Variants in SPEN observed in about 807,000 individuals in gnomAD.
The protein encoded by SPEN is msx2-interacting protein.
Under a neutral mutation model 269.9 loss-of-function variants are expected in SPEN, and 18 were observed. That is an observed-to-expected ratio of 0.07 (90% confidence interval 0.05 to 0.10). The LOEUF (loss-of-function observed/expected upper bound fraction) is 0.10. SPEN is among the 10% of genes least tolerant of loss of function. The probability of loss-of-function intolerance (pLI) is 1.00; values close to 1 mark genes in which losing one functional copy is unlikely to be tolerated. For missense variants in SPEN, 3,822 were observed against 4,631.2 expected, an observed-to-expected ratio of 0.83 and a Z score of 5.07; for synonymous variants, 1,726 against 1,765.7, an observed-to-expected ratio of 0.98 and a Z score of 0.56.
At chr1:15,889,601 A>G (rs2070770542) in intron 3 of SPEN, among the ~76,000 whole-genome samples, 2 of 152,220 alleles carry the variant, frequency 1.3e-5, no homozygotes, top group Non-Finnish European at 2.9e-5. Flanking sequence ...CCTGTGTGAG[A>G]AAATGGAAAG....
In SPEN at chr1:15,931,501, A is replaced by G. The variant is rs754160155; in HGVS notation, c.5261A>G (p.Asp1754Gly). 6.2e-7 allele frequency: 1 copy of G among 1,614,172 alleles called. No homozygotes were observed. The highest frequency in any genetic ancestry group is 8.5e-7 in the Non-Finnish European group (1 of 1,180,024). ...QAESNVDPEP[D>G]STQPLSKPAQ... is the part of the protein sequence containing the mutation. Reference sequence around the variant, plus strand: ...GAGAGCAACGTAGATCCAGAGCCTGACAGTACCCAGCCACTTTCAAAACCA... The same window carrying G: ...GAGAGCAACGTAGATCCAGAGCCTGGCAGTACCCAGCCACTTTCAAAACCA... The change falls in exon 11 of 15, where the codon GAC becomes GGC. Residue 1754 changes from aspartate to glycine, a missense_variant. Physicochemically the swap from Asp to Gly is moderately conservative, Grantham distance 94. Coordinates refer to ENST00000375759, the MANE Select transcript of SPEN (RefSeq NM_015001.3). This position sits in a 1 kb window ranked among gnomAD's most constrained non-coding sequence, Gnocchi z 4.8.
Position 15,936,275 on chromosome 1 carries a change from G to T in SPEN, c.10026+9G>T. 4 of 1,530,024 alleles carry T rather than the reference G, an allele frequency of 2.6e-6. No individual in the cohort carries two copies. The highest frequency in any genetic ancestry group is 3.5e-6 in the Non-Finnish European group (4 of 1,131,488). 94.8% of individuals were successfully genotyped at this position (1,530,024 alleles called of 1,614,324 possible). A position where few individuals can be genotyped will look rare whatever the true frequency, so the allele number is the denominator to read the frequency against. On this transcript the variant is annotated intron_variant, in intron 11 of 14. Transcript: ENST00000375759. ...CCAAGACAGCTGCTCAGGTGAGCCA[G>T]CCAGGTATCTCCCCACTGTCTGTTG...
intron 3 of SPEN, among the ~76,000 whole-genome samples, chr1:15,908,397 A>G (rs761905586): frequency 4.6e-5 from 7 of 150,598 alleles, no homozygotes; most frequent in Non-Finnish European, 7.4e-5. Flanking sequence ...TCATATTCCA[A>G]ACTCTCTAAA....
chr1:15,859,045 C>A (rs1353029956), intron 1 of SPEN, among the ~76,000 whole-genome samples: 11 of 152,098 alleles, frequency 7.2e-5, no homozygotes, highest in Non-Finnish European at 1.6e-4. Context: ...TTCTGCTAAC[C>A]AGCTATGTTC....
At chr1:15,907,681 A>G (rs539244713) in intron 3 of SPEN, among the ~76,000 whole-genome samples, 110 of 152,212 alleles carry the variant, frequency 7.2e-4, no homozygotes, top group African/African-American at 2.5e-3. Context: ...CCTCTATAAC[A>G]TGGGGGAGAA....
Position 15,939,157 on chromosome 1 carries a change from C to A in SPEN, c.10864-139C>A. On this transcript the variant is annotated intron_variant, in intron 14 of 14. Coordinates refer to ENST00000375759, the MANE Select transcript of SPEN (RefSeq NM_015001.3). The surrounding 1 kb of genome is among the most constrained non-coding windows in gnomAD (Gnocchi z 4.1). ...GACACCTGCTAGGTCTTCCAGTAGA[C>A]ATAGTCCTGGCACATTTGCTGGTTG... is the stretch of plus-strand genomic sequence containing the variant. The A allele has an allele frequency of 8.2e-7, 1 of 1,223,282 alleles. No homozygotes were observed. Among genetic ancestry groups the A allele is most frequent in the Non-Finnish European group, 1.1e-6 (1 of 887,408 alleles). The allele number at this position is 1,223,282 out of a possible 1,614,324, so 75.8% of individuals were successfully genotyped here.
At position 15,939,262 on chromosome 1, in the gene SPEN, G is replaced by C; in HGVS notation, c.10864-34G>C. On this transcript the variant is annotated intron_variant, in intron 14 of 14. Coordinates refer to ENST00000375759, the MANE Select transcript of SPEN (RefSeq NM_015001.3). This position sits in a 1 kb window ranked among gnomAD's most constrained non-coding sequence, Gnocchi z 4.1. ...AAGTGGAGTTGTGGGGGTGAAGACAGACGGTCCCACTTTGCTCTCTATCCT... is the reference window on the plus strand; with the variant it reads ...AAGTGGAGTTGTGGGGGTGAAGACACACGGTCCCACTTTGCTCTCTATCCT... The C allele has an allele frequency of 6.6e-7, 1 of 1,524,646 alleles. No homozygotes were observed. The highest frequency in any genetic ancestry group is 1.3e-5 in the South Asian group (1 of 78,332). 94.4% of individuals were successfully genotyped at this position (1,524,646 alleles called of 1,614,324 possible). A position where few individuals can be genotyped will look rare whatever the true frequency, so the allele number is the denominator to read the frequency against.
Position 15,848,462 on chromosome 1 carries a change from C to T in SPEN, c.83+312C>T, listed in dbSNP as rs2148698553. Among the ~76,000 whole-genome samples, 1 of 151,834 alleles carries T rather than the reference C, an allele frequency of 6.6e-6. No homozygotes were observed. Among genetic ancestry groups the T allele is most frequent in the East Asian group, 1.9e-4 (1 of 5,142 alleles). ...CCCCGGGGCTGCCCTCGCGTCAGCC[C>T]GGGAGTCGGTGGGAGATGCGCTGGG... On this transcript the variant is annotated intron_variant, in intron 1 of 14. Transcript: ENST00000375759. This position sits in a 1 kb window ranked among gnomAD's most constrained non-coding sequence, Gnocchi z 5.1.
chr1:15,906,743 C>T (rs1378390752), intron 3 of SPEN, among the ~76,000 whole-genome samples: 7 of 145,542 alleles, frequency 4.8e-5, no homozygotes, highest in South Asian at 2.2e-4. Context: ...GGATTACGGT[C>T]GTGAGCCACT....
chr1:15,872,313 C>T (rs1220040183), intron 1 of SPEN, among the ~76,000 whole-genome samples: 1 of 150,578 alleles, frequency 6.6e-6, no homozygotes, highest in Middle Eastern at 3.3e-3. Context: ...AAGGAATGGG[C>T]CGGGCGCGGT....
In SPEN at chr1:15,939,241, G is replaced by A; in HGVS notation, c.10864-55G>A. The A allele has an allele frequency of 6.7e-7, 1 of 1,496,062 alleles. No individual in the cohort carries two copies. The highest frequency in any genetic ancestry group is 1.4e-5 in the South Asian group (1 of 73,140). The allele number at this position is 1,496,062 out of a possible 1,614,324, so 92.7% of individuals were successfully genotyped here. On this transcript the variant is annotated intron_variant, in intron 14 of 14. Coordinates refer to ENST00000375759, the MANE Select transcript of SPEN (RefSeq NM_015001.3). This position sits in a 1 kb window ranked among gnomAD's most constrained non-coding sequence, Gnocchi z 4.1. ...CTCTTCAGGGCTCCCCAATGGAAGT[G>A]GAGTTGTGGGGGTGAAGACAGACGG...
intron 4 of SPEN, among the ~76,000 whole-genome samples, chr1:15,910,627 GTT>G (rs568465031): frequency 7.1e-6 from 1 of 141,768 alleles, no homozygotes. Context: ...ACTGTTTTTT[GTT>G]TTTTTTTTTA....
intron 1 of SPEN, among the ~76,000 whole-genome samples, chr1:15,859,153 T>TTC (rs1430926542): frequency 6.7e-6 from 1 of 150,044 alleles, no homozygotes; most frequent in African/African-American, 2.5e-5. Flanking sequence ...TTTTTTTTTT[T>TTC]TTTAATTAAG....
At chr1:15,920,276 C>T (rs926257846) in intron 8 of SPEN, among the ~76,000 whole-genome samples, 3 of 152,062 alleles carry the variant, frequency 2.0e-5, no homozygotes, top group Non-Finnish European at 1.5e-5. Context: ...GCCATGTTGG[C>T]CAGGCTGGTC....
Position 15,929,418 on chromosome 1 carries a change from G to T in SPEN, c.3178G>T (p.Val1060Phe). The T allele has an allele frequency of 6.2e-7, 1 of 1,613,780 alleles. No homozygotes were observed. The highest frequency in any genetic ancestry group is 8.5e-7 in the Non-Finnish European group (1 of 1,179,902). ...KKIKLDRLNT[V>F]ASPKDCQELA... ...AATCAAACTGGACAGACTTAATACTGTTGCCAGCCCCAAAGACTGTCAGGA... is the reference window on the plus strand; with the variant it reads ...AATCAAACTGGACAGACTTAATACTTTTGCCAGCCCCAAAGACTGTCAGGA... Residue 1060 changes from valine (V) to phenylalanine (F), a missense_variant, in exon 11 of 15, where the codon GTT becomes TTT. Transcript: ENST00000375759. This position sits in a 1 kb window ranked among gnomAD's most constrained non-coding sequence, Gnocchi z 5.8.
At chr1:15,873,897 T>G in intron 2 of SPEN, 1 of 1,135,702 alleles carries the variant, frequency 8.8e-7, no homozygotes, top group Non-Finnish European at 1.1e-6. Flanking sequence ...AGGATTACTA[T>G]ATCATTTCTT....
chr1:15,874,178 T>TA (rs1464121053), intron 2 of SPEN: 2 of 1,366,592 alleles, frequency 1.5e-6, no homozygotes, highest in Non-Finnish European at 2.0e-6. Flanking sequence ...GTTTGAGAGT[T>TA]ACAGTTTGTC....
At chr1:15,860,378 GGTGTGTGTGTGTGT>G (rs60005872) in intron 1 of SPEN, among the ~76,000 whole-genome samples, 1,881 of 121,240 alleles carry the variant, frequency 0.016, 15 homozygotes, top group Non-Finnish European at 0.024. Context: ...TAGCTTCAGA[GGTGTGTGTGTGTGT>G]GTGTGTGTGT....
At position 15,930,360 on chromosome 1, in the gene SPEN, G is replaced by A. The variant is rs771545248; in HGVS notation, c.4120G>A (p.Glu1374Lys). 2.5e-6 allele frequency: 4 copies of A among 1,613,412 alleles called. No homozygotes were observed. In the East Asian group the frequency reaches 8.9e-5, roughly 36 times the overall value. ...SLRKRSVRDL[E>K]PGEVPSDSDE... is the part of the protein sequence containing the mutation. ...TCGAAAAAGGTCTGTACGAGATCTG[G>A]AACCTGGTGAGGTGCCTTCTGATTC... Residue 1374 changes from glutamate (E) to lysine (K), a missense_variant, in exon 11 of 15, where the codon GAA becomes AAA. By Grantham distance (56) the Glu-to-Lys change is moderately conservative (BLOSUM62 1). Coordinates refer to ENST00000375759, the MANE Select transcript of SPEN (RefSeq NM_015001.3). This position sits in a 1 kb window ranked among gnomAD's most constrained non-coding sequence, Gnocchi z 5.3.
Sources: gnomAD v4.1 joint callset for allele counts (sites outside exome capture counted in the v4.1 genomes callset) on GRCh38, gnomAD v4.1.1 for gene constraint, Gnocchi (gnomAD v3.1) non-coding constraint, MANE v1.5 for transcripts, NCBI Gene and HGNC (gene_info 2026-07-23, HGNC 2026-07-21) for gene names.